FNDC3A: variants seen among roughly 807,000 people sequenced by gnomAD.
FNDC3A encodes fibronectin type III domain containing 3A.
A neutral mutation model predicts 148.9 loss-of-function variants in FNDC3A; 32 were observed. That is an observed-to-expected ratio of 0.21 (90% CI 0.16 to 0.29). FNDC3A has a LOEUF of 0.29. FNDC3A is among the 10% of genes least tolerant of loss of function. The probability of loss-of-function intolerance (pLI) is 1.00; values close to 1 mark genes in which losing one functional copy is unlikely to be tolerated. For synonymous variants in FNDC3A, 472 were observed against 473.6 expected, an observed-to-expected ratio of 1.00 and a Z score of 0.04; for missense variants, 1,191 against 1,452.8, an observed-to-expected ratio of 0.82 and a Z score of 2.93.
chr13:49,019,065 GC>G (rs1380471349), intron 2 of FNDC3A, among the ~76,000 whole-genome samples: 2 of 152,262 alleles, frequency 1.3e-5, no homozygotes, highest in Non-Finnish European at 2.9e-5. Context: ...GTTTGTCTGT[GC>G]CCTGCCCCCA....
intron 2 of FNDC3A, among the ~76,000 whole-genome samples, chr13:49,008,368 A>C (rs1037982127): frequency 6.6e-6 from 1 of 152,188 alleles, no homozygotes; most frequent in Non-Finnish European, 1.5e-5. Context: ...GAACTTATTG[A>C]TACGCCAAGT....
intron 3 of FNDC3A, among the ~76,000 whole-genome samples, chr13:49,087,120 C>G (rs1278907553): frequency 6.6e-6 from 1 of 151,948 alleles, no homozygotes; most frequent in Non-Finnish European, 1.5e-5. Context: ...CTTCATGTTC[C>G]TAATAAGCAA....
intron 3 of FNDC3A, among the ~76,000 whole-genome samples, chr13:49,077,874 A>G (rs536693317): frequency 3.3e-4 from 51 of 152,340 alleles, no homozygotes; most frequent in African/African-American, 1.2e-3. Flanking sequence ...AAGAGTTCAC[A>G]TATTATACTT....
chr13:49,178,696 A>G (rs546637459), intron 14 of FNDC3A, 42 bp downstream of exon 14: 31 of 1,117,092 alleles, frequency 2.8e-5, no homozygotes, highest in South Asian at 2.5e-4. Flanking sequence ...CCTTGTTCCT[A>G]TTCTTACTGG....
intron 3 of FNDC3A, among the ~76,000 whole-genome samples, chr13:49,097,609 A>G (rs760114519): frequency 6.6e-6 from 1 of 152,124 alleles, no homozygotes; most frequent in Non-Finnish European, 1.5e-5. Flanking sequence ...CTTTAAGTGT[A>G]CAGGCCTAGT....
intron 14 of FNDC3A, among the ~76,000 whole-genome samples, chr13:49,184,448 A>G (rs1457253266): frequency 6.6e-6 from 1 of 152,206 alleles, no homozygotes; most frequent in Non-Finnish European, 1.5e-5. Flanking sequence ...TAGTTGTAGA[A>G]CAGTGAAGTG....
At chr13:49,056,415 A>G (rs1001283674) in intron 2 of FNDC3A, among the ~76,000 whole-genome samples, 1 of 152,134 alleles carries the variant, frequency 6.6e-6, no homozygotes, top group African/African-American at 2.4e-5. Context: ...GTTGTACTAT[A>G]GTGTGTCTAG....
chr13:49,045,868 A>T (rs572362625), intron 2 of FNDC3A: 4 of 319,236 alleles, frequency 1.3e-5, no homozygotes, highest in Non-Finnish European at 1.7e-5. Context: ...TGTTTCTTAC[A>T]CTTTAGATAC....
rs532104100 is a variant in FNDC3A at position 49,032,214 on chromosome 13, T to G, written c.99+25925T>G. On this transcript the variant is annotated intron_variant, in intron 2 of 25. Transcript: ENST00000492622. The stretch of plus-strand genomic sequence containing the variant: ...GGAATGTAAACTGGTAAATGTACTT[T>G]GGGAAATAGCCTGGCAGTTCCTAAG... Among the ~76,000 whole-genome samples, 15 of 152,292 alleles carry G rather than the reference T, an allele frequency of 9.8e-5. No homozygotes were observed. The South Asian group carries it at 3.1e-3, about 32-fold the overall frequency.
intron 6 of FNDC3A, among the ~76,000 whole-genome samples, chr13:49,137,502 G>A (rs1294621719): frequency 2.6e-5 from 4 of 151,970 alleles, no homozygotes; most frequent in Admixed American, 1.3e-4. Flanking sequence ...ATGCCACCAC[G>A]CCCAACTACT....
At chr13:49,053,934 C>T (rs967898564) in intron 2 of FNDC3A, among the ~76,000 whole-genome samples, 3 of 152,122 alleles carry the variant, frequency 2.0e-5, no homozygotes, top group African/African-American at 7.2e-5. Context: ...AGGTAAAATA[C>T]TTTGGTTTCT....
intron 2 of FNDC3A, among the ~76,000 whole-genome samples, chr13:49,015,520 C>T (rs143837364): frequency 0.017 from 2,606 of 152,092 alleles, 72 homozygotes; most frequent in African/African-American, 0.058. Flanking sequence ...GGGGTTTTCT[C>T]GATATACAAT....
chr13:49,048,493 T>G (rs1397617435), intron 2 of FNDC3A, among the ~76,000 whole-genome samples: 3 of 152,184 alleles, frequency 2.0e-5, no homozygotes, highest in Non-Finnish European at 4.4e-5. Flanking sequence ...TGTGATTTCT[T>G]TCAGCAGTGT....
chr13:49,148,193 T>C (rs895690699), intron 8 of FNDC3A, among the ~76,000 whole-genome samples: 13 of 152,226 alleles, frequency 8.5e-5, no homozygotes, highest in Non-Finnish European at 1.8e-4. Context: ...GTTGGTTGTT[T>C]CCTCTGCTGT....
At chr13:49,098,753 G>A (rs1230479901) in intron 3 of FNDC3A, among the ~76,000 whole-genome samples, 4 of 152,014 alleles carry the variant, frequency 2.6e-5, no homozygotes, top group African/African-American at 9.7e-5. Flanking sequence ...TCAGTTACTT[G>A]TACACAGATA....
At chr13:49,197,552 ATAATCT>A (rs1232861092) in intron 20 of FNDC3A, among the ~76,000 whole-genome samples, 167 bp from the exon 21 acceptor site, 1 of 151,020 alleles carries the variant, frequency 6.6e-6, no homozygotes, top group Non-Finnish European at 1.5e-5. Flanking sequence ...TTAAATTCAG[ATAATCT>A]TAATGAATAA....
intron 14 of FNDC3A, among the ~76,000 whole-genome samples, chr13:49,182,468 C>T (rs1885355561): frequency 1.3e-5 from 2 of 151,890 alleles, no homozygotes; most frequent in South Asian, 4.1e-4. Context: ...GTCCTATAAT[C>T]CTAGGCCACT....
intron 4 of FNDC3A, among the ~76,000 whole-genome samples, chr13:49,122,663 A>G (rs1235456332): frequency 6.6e-6 from 1 of 152,208 alleles, no homozygotes. Flanking sequence ...CAGGATACAA[A>G]ATCAATGTGC....
In FNDC3A at chr13:49,208,211, ATG is replaced by A. The variant is rs921045444; in HGVS notation, c.*820_*821del. 9.2e-5 allele frequency: 14 copies of A among 152,456 alleles called. No individual in the cohort carries two copies. The highest frequency in any genetic ancestry group is 3.4e-4 in the African/African-American group (14 of 41,578). The allele number at this position is 152,456 out of a possible 1,614,324, so 9.4% of individuals were successfully genotyped here. A position where few individuals can be genotyped will look rare whatever the true frequency, so the allele number is the denominator to read the frequency against. On this transcript the variant is annotated 3_prime_UTR_variant, in exon 26 of 26. Coordinates refer to ENST00000492622, the MANE Select transcript of FNDC3A (RefSeq NM_001079673.2). ...TTTTGTGAACCTTTGAACTATATGT[ATG>A]TGTATAAGGGTATACACATACATAT...
Sources: allele counts gnomAD v4.1 joint callset (sites outside exome capture counted in the v4.1 genomes callset), GRCh38; gene constraint gnomAD v4.1.1; transcripts MANE v1.5; gene names NCBI Gene and HGNC (gene_info 2026-07-23, HGNC 2026-07-21).